Variants in CEP170 observed in about 807,000 individuals in gnomAD.
The protein encoded by CEP170 is centrosomal protein 170, also known as centrosomal protein of 170 kDa.
Under a neutral mutation model 151.9 loss-of-function variants are expected in CEP170, and 21 were observed. That is an observed-to-expected ratio of 0.14 (90% confidence interval 0.10 to 0.20). CEP170 has a LOEUF of 0.20. CEP170 is among the 10% of genes least tolerant of loss of function. CEP170 has a pLI of 1.00. For missense variants in CEP170, 964 were observed against 1,892.9 expected, an observed-to-expected ratio of 0.51 and a Z score of 9.11; for synonymous variants, 356 against 648.8, an observed-to-expected ratio of 0.55 and a Z score of 6.86.
chr1:243,143,501 G>C (rs1460916368), intron 14 of CEP170, among the ~76,000 whole-genome samples: 5 of 152,078 alleles, frequency 3.3e-5, no homozygotes, highest in Non-Finnish European at 7.4e-5. Context: ...TTTTCTTTTA[G>C]AGTTTTTTTT....
intron 10 of CEP170, among the ~76,000 whole-genome samples, chr1:243,180,349 C>T (rs2059542003): frequency 2.6e-5 from 4 of 152,160 alleles, no homozygotes; most frequent in Admixed American, 2.6e-4. Context: ...ATTAACACAG[C>T]AGGAGAGGGT....
At chr1:243,151,069 A>G (rs576454947) in intron 14 of CEP170, among the ~76,000 whole-genome samples, 2 of 152,214 alleles carry the variant, frequency 1.3e-5, no homozygotes, top group Non-Finnish European at 2.9e-5. Flanking sequence ...CCGTGGTGAT[A>G]CCATCTACTA....
intron 13 of CEP170, among the ~76,000 whole-genome samples, chr1:243,159,802 T>TGTGTGTGTGTGTGTGTG (rs58250126): frequency 3.8e-4 from 57 of 150,974 alleles, no homozygotes; most frequent in East Asian, 9.7e-4. Flanking sequence ...TGTGTGTGTG[T>TGTGTGTGTGTGTGTGTG]TTTTGAGATG....
chr1:243,202,352 A>G (rs1291863018), intron 4 of CEP170, among the ~76,000 whole-genome samples: 1 of 152,114 alleles, frequency 6.6e-6, no homozygotes, highest in Non-Finnish European at 1.5e-5. Context: ...ATTGAGGTAC[A>G]GTGTATACTA....
At chr1:243,240,318 T>C (rs566795487) in intron 1 of CEP170, among the ~76,000 whole-genome samples, 1 of 152,224 alleles carries the variant, frequency 6.6e-6, no homozygotes, top group African/African-American at 2.4e-5. Flanking sequence ...AAAAAAAGAA[T>C]ACAATCCATT....
intron 2 of CEP170, among the ~76,000 whole-genome samples, chr1:243,223,916 T>TG (rs1333956148): frequency 1.3e-5 from 2 of 152,170 alleles, no homozygotes; most frequent in African/African-American, 4.8e-5. Flanking sequence ...AGTATCAATG[T>TG]GTTTCAGCAC....
In CEP170 at chr1:243,140,117, C is replaced by G. The variant is rs533579095; in HGVS notation, c.4060-10G>C. Reference sequence around the variant, plus strand: ...AAACACGATCAACCAACTAATGGGACGAAAGCAAACCTTTATGAGAACACA... The same window carrying G: ...AAACACGATCAACCAACTAATGGGAGGAAAGCAAACCTTTATGAGAACACA... On this transcript the variant is annotated splice_polypyrimidine_tract_variant and intron_variant, in intron 15 of 19. Coordinates refer to ENST00000366542, the MANE Select transcript of CEP170 (RefSeq NM_014812.3). 156 of 1,612,002 alleles carry G rather than the reference C, an allele frequency of 9.7e-5. No individual in the cohort carries two copies. The highest frequency in any genetic ancestry group is 1.3e-4 in the Non-Finnish European group (153 of 1,178,688).
In CEP170 at chr1:243,247,444, C is replaced by A. The variant is rs980900002; in HGVS notation, c.-42+7596G>T. Among the ~76,000 whole-genome samples the A allele has an allele frequency of 2.0e-5, 3 of 152,156 alleles. No homozygotes were observed. In the East Asian group the frequency reaches 5.8e-4, roughly 29 times the overall value. On this transcript the variant is annotated intron_variant, in intron 1 of 19. Coordinates refer to ENST00000366542, the MANE Select transcript of CEP170 (RefSeq NM_014812.3). ...TCTTGGCTCACTGCAATCTCCATCT[C>A]CTGGGCTCAAGCAATTCTCCTTCCT...
intron 4 of CEP170, among the ~76,000 whole-genome samples, chr1:243,202,658 G>C (rs751547955): frequency 2.6e-5 from 4 of 151,860 alleles, no homozygotes; most frequent in Non-Finnish European, 5.9e-5. Flanking sequence ...TATCTGATGT[G>C]GTTACAGATG....
At chr1:243,129,874 A>AG (rs2054183507) in intron 17 of CEP170, among the ~76,000 whole-genome samples, 2 of 151,720 alleles carry the variant, frequency 1.3e-5, no homozygotes, top group South Asian at 2.1e-4. Flanking sequence ...GAGAGAGAGA[A>AG]AAAAAAAGAC....
intron 3 of CEP170, among the ~76,000 whole-genome samples, chr1:243,219,483 A>C (rs373537912): frequency 3.2e-4 from 49 of 152,326 alleles, no homozygotes; most frequent in East Asian, 1.5e-3. Context: ...TCACAATATT[A>C]TTGAGTATAA....
chr1:243,197,754 G>C (rs552331737), intron 7 of CEP170, among the ~76,000 whole-genome samples: 1 of 151,936 alleles, frequency 6.6e-6, no homozygotes, highest in Non-Finnish European at 1.5e-5. Context: ...ACCCTCATGG[G>C]GTTCAGTTAT....
rs117914446 is a variant in CEP170, at chr1:243,150,606, C to T, written c.3911+5615G>A. Reference sequence around the variant, plus strand: ...TTCTTAAGCACAAATAAGGTAAGCCCAGCATTTTATAAACTGTAGAATGTA... The same window carrying T: ...TTCTTAAGCACAAATAAGGTAAGCCTAGCATTTTATAAACTGTAGAATGTA... On this transcript the variant is annotated intron_variant, in intron 14 of 19. Transcript: ENST00000366542. Among the ~76,000 whole-genome samples the T allele has an allele frequency of 3.0e-3, 457 of 152,222 alleles. 8 individuals carry two copies. In the East Asian group the frequency reaches 0.033, roughly 11 times the overall value.
chr1:243,220,297 G>A (rs979766014), intron 3 of CEP170, among the ~76,000 whole-genome samples: 1 of 152,136 alleles, frequency 6.6e-6, no homozygotes, highest in African/African-American at 2.4e-5. Context: ...TTTGGAAGAA[G>A]AGCAAGGGAA....
intron 8 of CEP170, 151 bp downstream of exon 8, chr1:243,190,867 G>A (rs990740998): frequency 3.1e-6 from 4 of 1,272,584 alleles, no homozygotes; most frequent in Non-Finnish European, 4.2e-6. Flanking sequence ...CATGGGCAGT[G>A]TAGCTTCCTG....
At chr1:243,248,515 T>G (rs1243492404) in intron 1 of CEP170, among the ~76,000 whole-genome samples, 1 of 152,240 alleles carries the variant, frequency 6.6e-6, no homozygotes, top group Admixed American at 6.5e-5. Context: ...ATGCTTGACT[T>G]ACATATCTAA....
chr1:243,189,574 AT>A (rs1302437855), intron 8 of CEP170, among the ~76,000 whole-genome samples: 426 of 151,420 alleles, frequency 2.8e-3, no homozygotes, highest in African/African-American at 8.3e-3. Flanking sequence ...AAAAAAAAAA[AT>A]AGTAGTAATA....
intron 1 of CEP170, among the ~76,000 whole-genome samples, chr1:243,244,328 C>A (rs2065150045): frequency 6.9e-6 from 1 of 144,838 alleles, no homozygotes; most frequent in Non-Finnish European, 1.5e-5. Flanking sequence ...TAGAATAACC[C>A]CCCTGCCCAA....
intron 6 of CEP170, among the ~76,000 whole-genome samples, 196 bp from the exon 7 acceptor site, chr1:243,199,390 A>G (rs970037386): frequency 2.0e-5 from 3 of 152,136 alleles, no homozygotes; most frequent in Admixed American, 2.0e-4. Context: ...GACTAAATAA[A>G]TAAGATTTCC....
Sources: gnomAD v4.1 joint callset for allele counts (sites outside exome capture counted in the v4.1 genomes callset) on GRCh38, gnomAD v4.1.1 for gene constraint, MANE v1.5 for transcripts, NCBI Gene and HGNC (gene_info 2026-07-23, HGNC 2026-07-21) for gene names.